Variants in DOCK11 observed in about 807,000 individuals in gnomAD.
The protein encoded by DOCK11 is dedicator of cytokinesis 11.
In DOCK11, 70 loss-of-function variants were observed where a neutral mutation model predicts 169.1. The ratio of observed to expected loss-of-function variants is 0.41; its 90% confidence interval spans 0.34 to 0.51. The LOEUF is 0.51. DOCK11 is among the 20% of genes least tolerant of loss of function. The pLI, the probability that DOCK11 is intolerant of heterozygous loss-of-function variation, is 0.10. For synonymous variants in DOCK11, 529 were observed against 541.3 expected, an observed-to-expected ratio of 0.98 and a Z score of 0.32; for missense variants, 1,166 against 1,538.8, an observed-to-expected ratio of 0.76 and a Z score of 4.05.
Position 118,561,455 on chromosome X carries a change from G to C in DOCK11, c.631G>C (p.Glu211Gln). ...GSYILNSYKD[E>Q]KNSKESKGCI... is the part of the protein sequence containing the mutation. ...ATATATTCTCAATTCCTATAAAGATGAGAAAAATTCAAAAGAATCGAAAGG... is the reference window on the plus strand; with the variant it reads ...ATATATTCTCAATTCCTATAAAGATCAGAAAAATTCAAAAGAATCGAAAGG... Residue 211 changes from glutamate to glutamine, a missense_variant, in exon 7 of 53, where the codon GAG (glutamate) becomes CAG (glutamine). Glu to Gln is a conservative substitution (Grantham distance 29, BLOSUM62 2). Coordinates refer to ENST00000276202, the MANE Select transcript of DOCK11 (RefSeq NM_144658.4). The C allele has an allele frequency of 8.3e-7, 1 of 1,207,314 alleles. No homozygotes were observed. Among genetic ancestry groups the C allele is most frequent in the East Asian group, 3.0e-5 (1 of 33,651 alleles).
intron 40 of DOCK11, among the ~76,000 whole-genome samples, chrX:118,646,366 G>C (rs928548993): frequency 9.0e-6 from 1 of 110,985 alleles, no homozygotes; most frequent in Non-Finnish European, 1.9e-5. Context: ...AAAAAATCAG[G>C]AGCAGAACAT....
intron 1 of DOCK11, among the ~76,000 whole-genome samples, chrX:118,533,578 C>T (rs912421662): frequency 5.4e-5 from 6 of 111,946 alleles, no homozygotes; most frequent in Non-Finnish European, 1.1e-4. Flanking sequence ...TTATAGATTA[C>T]TGAGCTTCTC....
chrX:118,604,893 C>T (rs2014454501), intron 23 of DOCK11, among the ~76,000 whole-genome samples: 1 of 111,623 alleles, frequency 9.0e-6, no homozygotes, highest in Non-Finnish European at 1.9e-5. Flanking sequence ...TTAGTAGATG[C>T]ATCTCCAGTA....
In DOCK11 at chrX:118,652,080, A is replaced by G; in HGVS notation, c.4695+3A>G. 9.1e-7 allele frequency: 1 copy of G among 1,100,827 alleles called. No homozygotes were observed. Among genetic ancestry groups the G allele is most frequent in the Non-Finnish European group, 1.2e-6 (1 of 804,928 alleles). The allele number at this position is 1,100,827 out of a possible 1,213,427, so 90.7% of individuals were successfully genotyped here. ...CAAATAGTGACAGACCTATGAAGGT[A>G]TGTTCTCATTTCAGATAATAAATTA... On this transcript the variant is annotated splice_donor_region_variant and intron_variant, in intron 42 of 52. Coordinates refer to ENST00000276202, the MANE Select transcript of DOCK11 (RefSeq NM_144658.4).
intron 12 of DOCK11, 49 bp from the exon 13 acceptor site, chrX:118,578,476 T>C (rs746926956): frequency 3.4e-6 from 4 of 1,188,541 alleles, no homozygotes; most frequent in African/African-American, 1.7e-5. Context: ...TAAACAACCA[T>C]ATGCACAAGA....
At chrX:118,570,632 A>G (rs1337343966) in intron 10 of DOCK11, among the ~76,000 whole-genome samples, 3 of 112,302 alleles carry the variant, frequency 2.7e-5, no homozygotes, top group African/African-American at 6.5e-5. Context: ...CTTCAGGCAT[A>G]ATACCTGTTT....
At chrX:118,647,727 AATATAATATAATATAATATATAATAAT>A (rs1446788146) in intron 40 of DOCK11, among the ~76,000 whole-genome samples, 10 of 50,346 alleles carry the variant, frequency 2.0e-4, no homozygotes, top group African/African-American at 8.4e-4. Context: ...TATAATAATT[AATATAATATAATATAATATATAATAAT>A]ATATAATATA....
Position 118,495,933 on chromosome X carries a change from G to C in DOCK11, c.-39G>C, listed in dbSNP as rs1266206863. 1 of 973,960 alleles carries C rather than the reference G, an allele frequency of 1.0e-6. No homozygotes were observed. Among genetic ancestry groups the C allele is most frequent in the South Asian group, 2.5e-5 (1 of 40,503 alleles). 80.3% of individuals were successfully genotyped at this position (973,960 alleles called of 1,213,427 possible). A position where few individuals can be genotyped will look rare whatever the true frequency, so the allele number is the denominator to read the frequency against. Reference sequence around the variant, plus strand: ...GGCAGTGAGTCCACCCGCCCGCCGAGGTCCGCCCGCCCGCCGAGACCCGCC... The same window carrying C: ...GGCAGTGAGTCCACCCGCCCGCCGACGTCCGCCCGCCCGCCGAGACCCGCC... On this transcript the variant is annotated 5_prime_UTR_variant, in exon 1 of 53. Coordinates refer to ENST00000276202, the MANE Select transcript of DOCK11 (RefSeq NM_144658.4).
intron 28 of DOCK11, 146 bp downstream of exon 28, chrX:118,610,564 G>T: frequency 1.7e-6 from 1 of 590,231 alleles, no homozygotes. Flanking sequence ...GTTGGCTATT[G>T]TGAACAGTGC....
At chrX:118,535,587 G>A (rs2011725996) in intron 1 of DOCK11, among the ~76,000 whole-genome samples, 1 of 111,223 alleles carries the variant, frequency 9.0e-6, no homozygotes, top group African/African-American at 3.3e-5. Context: ...GACAATAAGG[G>A]CTGTTGGGGA....
At chrX:118,685,600 A>C in intron 52 of DOCK11, 88 bp from the exon 53 acceptor site, 3 of 1,078,076 alleles carry the variant, frequency 2.8e-6, no homozygotes, top group Non-Finnish European at 3.8e-6. Flanking sequence ...TGATAAATTG[A>C]AATATGCCTG....
intron 1 of DOCK11, among the ~76,000 whole-genome samples, chrX:118,504,843 C>A (rs2057600270): frequency 9.0e-6 from 1 of 111,545 alleles, no homozygotes; most frequent in Non-Finnish European, 1.9e-5. Flanking sequence ...GAGACAGTCT[C>A]AGTTAGCTGC....
At chrX:118,571,588 G>A (rs1192064159) in intron 10 of DOCK11, among the ~76,000 whole-genome samples, 5 of 111,019 alleles carry the variant, frequency 4.5e-5, no homozygotes, top group Admixed American at 9.6e-5. Context: ...GGCCTCAAGC[G>A]AAATTCCCTC....
intron 51 of DOCK11, 114 bp downstream of exon 51, chrX:118,681,908 G>A: frequency 3.9e-6 from 2 of 519,180 alleles, no homozygotes; most frequent in Non-Finnish European, 5.9e-6. Context: ...GACATTCTCT[G>A]TGGTCTTTTA....
At chrX:118,530,797 T>C (rs905724156) in intron 1 of DOCK11, among the ~76,000 whole-genome samples, 6 of 112,335 alleles carry the variant, frequency 5.3e-5, no homozygotes, top group African/African-American at 1.9e-4. Context: ...TCTCTCCCTC[T>C]AGCCCATGAG....
In DOCK11 at chrX:118,681,043, T is replaced by C. The variant is rs771455887; in HGVS notation, c.5672-15T>C. The C allele has an allele frequency of 1.8e-6, 2 of 1,137,715 alleles. No individual in the cohort carries two copies. The highest frequency in any genetic ancestry group is 6.2e-5 in the East Asian group (2 of 32,434). The allele number at this position is 1,137,715 out of a possible 1,213,427, so 93.8% of individuals were successfully genotyped here. ...ATTTTCTAAAGTCAGTAAATCAATC[T>C]TAACATTTTAATAGCTTCAAACTCG... On this transcript the variant is annotated splice_polypyrimidine_tract_variant and intron_variant, in intron 49 of 52. Transcript: ENST00000276202.
Position 118,565,994 on chromosome X carries a change from C to G in DOCK11, c.694-11C>G, listed in dbSNP as rs775681930. The G allele has an allele frequency of 8.3e-7, 1 of 1,203,986 alleles. No homozygotes were observed. The highest frequency in any genetic ancestry group is 3.0e-5 in the East Asian group (1 of 33,791). The stretch of plus-strand genomic sequence containing the variant: ...TAAACTAACTGAACACATACTTTTT[C>G]TCCCCTCTAGTGCCCCAAAATGCGC... On this transcript the variant is annotated splice_polypyrimidine_tract_variant and intron_variant, in intron 7 of 52. Coordinates refer to ENST00000276202, the MANE Select transcript of DOCK11 (RefSeq NM_144658.4).
intron 1 of DOCK11, among the ~76,000 whole-genome samples, chrX:118,530,483 G>A (rs936594169): frequency 8.9e-5 from 10 of 112,299 alleles, no homozygotes; most frequent in Non-Finnish European, 1.5e-4. Flanking sequence ...CATTGACTTG[G>A]CATATGTGGT....
intron 6 of DOCK11, among the ~76,000 whole-genome samples, chrX:118,551,819 C>G (rs1260270922): frequency 2.7e-5 from 3 of 111,422 alleles, no homozygotes; most frequent in Non-Finnish European, 5.7e-5. Context: ...ATAAAGGAAT[C>G]TGCCCAGGCG....
Sources: gnomAD v4.1 joint callset for allele counts (sites outside exome capture counted in the v4.1 genomes callset) on GRCh38, gnomAD v4.1.1 for gene constraint, MANE v1.5 for transcripts, NCBI Gene and HGNC (gene_info 2026-07-23, HGNC 2026-07-21) for gene names.